Variants in SUSD5 observed in about 807,000 individuals in gnomAD.
The protein encoded by SUSD5 is sushi domain containing 5.
Under a neutral mutation model 29.5 loss-of-function variants are expected in SUSD5, and 33 were observed. The ratio of observed to expected loss-of-function variants is 1.12; its 90% confidence interval spans 0.85 to 1.49. The LOEUF (loss-of-function observed/expected upper bound fraction) is 1.49, where lower values mean the gene tolerates loss of function less well. Ranked by LOEUF, SUSD5 falls within the 40% of genes most tolerant of loss-of-function variation. The pLI is 0.00. For missense variants in SUSD5, 776 were observed against 800.6 expected, an observed-to-expected ratio of 0.97 and a Z score of 0.37; for synonymous variants, 308 against 325.3, an observed-to-expected ratio of 0.95 and a Z score of 0.57.
At chr3:33,158,474 C>G (rs2031104000) in intron 4 of SUSD5, among the ~76,000 whole-genome samples, 1 of 152,010 alleles carries the variant, frequency 6.6e-6, no homozygotes, top group Admixed American at 6.5e-5. Flanking sequence ...CAAAGGGTAG[C>G]CTAGTAGAAC....
At chr3:33,155,224 AATCTATACTAAGTAGACAG>A (rs1298712692) in intron 4 of SUSD5, among the ~76,000 whole-genome samples, 1 of 152,204 alleles carries the variant, frequency 6.6e-6, no homozygotes, top group Non-Finnish European at 1.5e-5. Flanking sequence ...GACTCCCACA[AATCTATACTAAGTAGACAG>A]ACAAACCATA....
At chr3:33,183,733 C>T (rs1006786632) in intron 3 of SUSD5, among the ~76,000 whole-genome samples, 1 of 152,110 alleles carries the variant, frequency 6.6e-6, no homozygotes, top group Non-Finnish European at 1.5e-5. Context: ...TGACCTATAT[C>T]ATTTCCCTGC....
chr3:33,198,698 C>T (rs1157487973), intron 3 of SUSD5, among the ~76,000 whole-genome samples: 1 of 152,188 alleles, frequency 6.6e-6, no homozygotes, highest in Non-Finnish European at 1.5e-5. Flanking sequence ...ACCATCTAGG[C>T]TCACTGTTTT....
rs146238218 is a variant in SUSD5, at chr3:33,178,533, G to A, written c.410-3459C>T. On this transcript the variant is annotated intron_variant, in intron 3 of 4. Coordinates refer to ENST00000309558, the MANE Select transcript of SUSD5 (RefSeq NM_015551.2). ...GTGATTTTGGCTCACTGCAGGCTCC[G>A]CCTCCCGGGATCATGCCATTTTCCT... is the stretch of plus-strand genomic sequence containing the variant. Among the ~76,000 whole-genome samples, 24 of 151,744 alleles carry A rather than the reference G, an allele frequency of 1.6e-4. 1 individual carries two copies. In the East Asian group the frequency reaches 3.5e-3, roughly 22 times the overall value.
At chr3:33,213,261 C>G (rs11717810) in intron 2 of SUSD5, among the ~76,000 whole-genome samples, 45,507 of 151,794 alleles carry the variant, frequency 0.3, 7,359 homozygotes, top group Non-Finnish European at 0.36. Context: ...AAAAAATTAG[C>G]CAGGTGTTGT....
chr3:33,174,516 T>C (rs1373156709), intron 4 of SUSD5, among the ~76,000 whole-genome samples: 13 of 152,082 alleles, frequency 8.5e-5, no homozygotes, highest in South Asian at 2.1e-4. Flanking sequence ...AGTTTACCAA[T>C]TGGGGGTCAT....
At chr3:33,180,254 A>T (rs1053254299) in intron 3 of SUSD5, among the ~76,000 whole-genome samples, 1 of 152,212 alleles carries the variant, frequency 6.6e-6, no homozygotes, top group East Asian at 1.9e-4. Context: ...TTCTACTGGG[A>T]CAAGACGTGA....
intron 3 of SUSD5, among the ~76,000 whole-genome samples, chr3:33,207,124 T>G (rs940494520): frequency 6.6e-6 from 1 of 152,258 alleles, no homozygotes; most frequent in Non-Finnish European, 1.5e-5. Context: ...ACCACTCAGC[T>G]GATTTCCCAA....
At position 33,152,736 on chromosome 3, in the gene SUSD5, A is replaced by G; in HGVS notation, c.*6T>C. 6.3e-7 allele frequency: 1 copy of G among 1,592,362 alleles called. No individual in the cohort carries two copies. Among genetic ancestry groups the G allele is most frequent in the Non-Finnish European group, 8.6e-7 (1 of 1,169,172 alleles). The stretch of plus-strand genomic sequence containing the variant: ...GTGGCTTTGGGAGAACCCACTCCAA[A>G]GGTGCCTAGACCTTCTCCATCTCGA... On this transcript the variant is annotated 3_prime_UTR_variant, in exon 5 of 5. Coordinates refer to ENST00000309558, the MANE Select transcript of SUSD5 (RefSeq NM_015551.2).
In SUSD5 at chr3:33,176,818, T is replaced by C. The variant is rs1425320769; in HGVS notation, c.410-1744A>G. ...AGGTAATCGTTTTTGCATGTGGATG[T>C]CCAATTGTTCCAGCAGTTATGTAAA... On this transcript the variant is annotated intron_variant, in intron 3 of 4. Coordinates refer to ENST00000309558, the MANE Select transcript of SUSD5 (RefSeq NM_015551.2). Among the ~76,000 whole-genome samples, 5 of 152,218 alleles carry C rather than the reference T, an allele frequency of 3.3e-5. No homozygotes were observed. The East Asian group carries it at 9.6e-4, about 29-fold the overall frequency.
intron 4 of SUSD5, among the ~76,000 whole-genome samples, chr3:33,163,706 T>C (rs1037429625): frequency 3.3e-5 from 5 of 151,810 alleles, no homozygotes; most frequent in Non-Finnish European, 7.4e-5. Flanking sequence ...ACTAAAAAAA[T>C]ATAAAAAATG....
chr3:33,186,497 G>A (rs2031782487), intron 3 of SUSD5, among the ~76,000 whole-genome samples: 1 of 150,864 alleles, frequency 6.6e-6, no homozygotes. Flanking sequence ...TGTGATCTTG[G>A]CTCACTGCAA....
chr3:33,215,029 T>G (rs1386914265), intron 1 of SUSD5, among the ~76,000 whole-genome samples: 1 of 152,006 alleles, frequency 6.6e-6, no homozygotes, highest in Non-Finnish European at 1.5e-5. Flanking sequence ...ACACAAGTCA[T>G]CTACTTGCAA....
At chr3:33,216,893 T>A (rs927942249) in intron 1 of SUSD5, among the ~76,000 whole-genome samples, 1 of 152,158 alleles carries the variant, frequency 6.6e-6, no homozygotes, top group Non-Finnish European at 1.5e-5. Context: ...GCTCATAAAA[T>A]TGAGTTTACT....
chr3:33,192,629 G>A (rs1432490638), intron 3 of SUSD5, among the ~76,000 whole-genome samples: 2 of 151,476 alleles, frequency 1.3e-5, no homozygotes, highest in East Asian at 2.0e-4. Flanking sequence ...CCAACATGGC[G>A]AAATCCCATC....
chr3:33,161,685 G>A (rs1025379933), intron 4 of SUSD5, among the ~76,000 whole-genome samples: 3 of 152,018 alleles, frequency 2.0e-5, no homozygotes, highest in Admixed American at 6.5e-5. Flanking sequence ...AAAAAGTCAC[G>A]AAGAGGCTAA....
At chr3:33,176,021 A>C (rs1330800227) in intron 3 of SUSD5, among the ~76,000 whole-genome samples, 3 of 152,180 alleles carry the variant, frequency 2.0e-5, no homozygotes, top group African/African-American at 7.2e-5. Context: ...CCTTCTCCCT[A>C]AAGATTGCAA....
At position 33,167,529 on chromosome 3, in the gene SUSD5, A is replaced by G. The variant is rs62250553; in HGVS notation, c.598+7357T>C. Among the ~76,000 whole-genome samples the G allele has an allele frequency of 0.035, 5,324 of 152,064 alleles. 151 individuals are homozygous for G. The highest frequency in any genetic ancestry group is 0.05 in the Non-Finnish European group (3,376 of 67,968). ...TCCAGAGCTCCCTGAGGCTACAGCAACCCTGGGCAGAAGCCCAGGGCCCCG... is the reference window on the plus strand; with the variant it reads ...TCCAGAGCTCCCTGAGGCTACAGCAGCCCTGGGCAGAAGCCCAGGGCCCCG... On this transcript the variant is annotated intron_variant, in intron 4 of 4. Transcript: ENST00000309558. The surrounding 1 kb of genome is among the most constrained non-coding windows in gnomAD (Gnocchi z 4.1).
rs1331185957 is a variant in SUSD5 at position 33,168,543 on chromosome 3, T to C, written c.598+6343A>G. Reference sequence around the variant, plus strand: ...ACTGAGGGGACAGCTAGTTTGCAAGTGAGGAGGTGTGCTGCCCCGAGGCCT... The same window carrying C: ...ACTGAGGGGACAGCTAGTTTGCAAGCGAGGAGGTGTGCTGCCCCGAGGCCT... On this transcript the variant is annotated intron_variant, in intron 4 of 4. Coordinates refer to ENST00000309558, the MANE Select transcript of SUSD5 (RefSeq NM_015551.2). 6.1e-6 allele frequency: 6 copies of C among 985,282 alleles called. No individual in the cohort carries two copies. In the East Asian group the frequency reaches 3.4e-4, roughly 56 times the overall value. The allele number at this position is 985,282 out of a possible 1,614,324, so 61.0% of individuals were successfully genotyped here.
Sources: allele counts gnomAD v4.1 joint callset (sites outside exome capture counted in the v4.1 genomes callset), GRCh38; gene constraint gnomAD v4.1.1; non-coding constraint Gnocchi (gnomAD v3.1); transcripts MANE v1.5; gene names NCBI Gene and HGNC (gene_info 2026-07-23, HGNC 2026-07-21).